The following KIAA2012 variants were observed in gnomAD, a reference collection of about 807,000 sequenced individuals.
KIAA2012 encodes uncharacterized protein KIAA2012.
In KIAA2012, 125 loss-of-function variants were observed where a neutral mutation model predicts 150.6. The observed-to-expected ratio is 0.83, with a 90% CI of 0.72 to 0.96. The LOEUF is 0.96. KIAA2012 is among the 40% of genes least tolerant of loss of function. The pLI, the probability that KIAA2012 is intolerant of heterozygous loss-of-function variation, is 0.00. For missense variants in KIAA2012, 1,219 were observed against 1,354.9 expected, an observed-to-expected ratio of 0.90 and a Z score of 1.57; for synonymous variants, 462 against 504.7, an observed-to-expected ratio of 0.92 and a Z score of 1.13.
At chr2:202,129,280 C>T (rs1181775598) in intron 12 of KIAA2012, among the ~76,000 whole-genome samples, 2 of 149,668 alleles carry the variant, frequency 1.3e-5, no homozygotes, top group Non-Finnish European at 3.0e-5. Context: ...AGTGCAGTGG[C>T]ACAATCTTGG....
chr2:202,185,898 C>T (rs937910258), intron 16 of KIAA2012, among the ~76,000 whole-genome samples: 2 of 152,184 alleles, frequency 1.3e-5, no homozygotes, highest in African/African-American at 4.8e-5. Context: ...CATATATTTA[C>T]AGGAAATTCC....
intron 9 of KIAA2012, 24 bp downstream of exon 9, chr2:202,105,934 T>A: frequency 6.4e-7 from 1 of 1,550,646 alleles, no homozygotes; most frequent in Non-Finnish European, 8.7e-7. Flanking sequence ...CCCTCCAGCA[T>A]CCCTCGGGAA....
chr2:202,163,605 T>C (rs1691700359), intron 14 of KIAA2012, among the ~76,000 whole-genome samples: 1 of 152,178 alleles, frequency 6.6e-6, no homozygotes, highest in Non-Finnish European at 1.5e-5. Context: ...CCCTGAAGGC[T>C]CATGGCTGTG....
chr2:202,103,250 A>C (rs1325537302), intron 8 of KIAA2012, 136 bp downstream of exon 8: 2 of 854,656 alleles, frequency 2.3e-6, no homozygotes, highest in African/African-American at 3.5e-5. Context: ...AGAAGGAAAA[A>C]GGATAAAATC....
chr2:202,160,369 A>G (rs1259086899), intron 14 of KIAA2012, among the ~76,000 whole-genome samples: 2 of 137,634 alleles, frequency 1.5e-5, no homozygotes, highest in East Asian at 2.0e-4. Context: ...GCTAGAGTTC[A>G]GTGGCGTGAT....
chr2:202,204,884 G>A (rs1351284997), intron 23 of KIAA2012, 114 bp from the exon 24 acceptor site: 1 of 152,116 alleles, frequency 6.6e-6, no homozygotes, highest in Admixed American at 6.5e-5. Flanking sequence ...TACTTAATCA[G>A]ATAAGAAAGG....
At chr2:202,120,443 T>G (rs749756978) in intron 11 of KIAA2012, among the ~76,000 whole-genome samples, 4 of 152,186 alleles carry the variant, frequency 2.6e-5, no homozygotes, top group African/African-American at 4.8e-5. Context: ...TATGATTTGC[T>G]CAAAGCCACA....
intron 11 of KIAA2012, among the ~76,000 whole-genome samples, chr2:202,118,940 T>C (rs1690591675): frequency 1.3e-5 from 2 of 152,196 alleles, no homozygotes; most frequent in Non-Finnish European, 2.9e-5. Flanking sequence ...CCCTACCTCA[T>C]ATGTAGCTGA....
In KIAA2012 at chr2:202,193,350, G is replaced by T; in HGVS notation, c.2861G>T (p.Arg954Leu). The change falls in exon 20 of 24, where the codon CGA becomes CTA. Residue 954 changes from arginine to leucine, a missense_variant. Transcript: ENST00000498697. The stretch of plus-strand genomic sequence containing the variant: ...GAGAAGGCTTCCTGGGACAGGCTTC[G>T]AGCAGAAAGAGCCGAGATGAGGTGG... ...EQEKASWDRL[R>L]AERAEMRWLE... 6.5e-7 allele frequency: 1 copy of T among 1,550,116 alleles called. No homozygotes were observed. Among genetic ancestry groups the T allele is most frequent in the Non-Finnish European group, 8.7e-7 (1 of 1,146,808 alleles).
At chr2:202,078,486 G>T (rs1040818229) in intron 2 of KIAA2012, among the ~76,000 whole-genome samples, 4 of 151,904 alleles carry the variant, frequency 2.6e-5, no homozygotes, top group African/African-American at 9.7e-5. Context: ...ATGGGGTCTA[G>T]CTCTGTTGCC....
intron 2 of KIAA2012, among the ~76,000 whole-genome samples, chr2:202,085,563 C>T (rs1689546866): frequency 6.6e-6 from 1 of 152,112 alleles, no homozygotes; most frequent in South Asian, 2.1e-4. Context: ...CAGATTCTTC[C>T]CTAGAGCCTA....
chr2:202,191,740 T>A (rs1297676327), intron 19 of KIAA2012, among the ~76,000 whole-genome samples: 2 of 152,256 alleles, frequency 1.3e-5, no homozygotes, highest in African/African-American at 4.8e-5. Context: ...TACAAAAAAA[T>A]TAAAAAGTAG....
chr2:202,179,592 G>T, intron 15 of KIAA2012: 1 of 666,498 alleles, frequency 1.5e-6, no homozygotes, highest in South Asian at 1.4e-5. Context: ...ACTATCTTGT[G>T]TACCAAGTGC....
intron 12 of KIAA2012, among the ~76,000 whole-genome samples, chr2:202,127,315 G>A (rs1178746838): frequency 6.6e-6 from 1 of 152,168 alleles, no homozygotes; most frequent in Non-Finnish European, 1.5e-5. Context: ...TTAAGATTCT[G>A]AAACTTCAGA....
At chr2:202,146,175 A>C (rs914802775) in intron 13 of KIAA2012, among the ~76,000 whole-genome samples, 3 of 152,178 alleles carry the variant, frequency 2.0e-5, no homozygotes, top group Non-Finnish European at 4.4e-5. Flanking sequence ...AAAGAGGCCT[A>C]GTCATTTGGA....
chr2:202,201,833 AG>A (rs933309751), intron 22 of KIAA2012: 2 of 1,288,192 alleles, frequency 1.6e-6, no homozygotes, highest in African/African-American at 2.9e-5. Context: ...CTGGATTCCC[AG>A]GAGGCTGCAC....
chr2:202,088,209 C>T (rs759784342), intron 2 of KIAA2012, among the ~76,000 whole-genome samples: 30 of 152,082 alleles, frequency 2.0e-4, no homozygotes, highest in Admixed American at 3.9e-4. Context: ...CCACAGATAA[C>T]GAGGGATGAC....
intron 2 of KIAA2012, among the ~76,000 whole-genome samples, chr2:202,080,450 T>A (rs955778694): frequency 1.3e-5 from 2 of 152,090 alleles, no homozygotes; most frequent in Non-Finnish European, 2.9e-5. Context: ...TACCAACACT[T>A]TGGAAGGCTG....
intron 4 of KIAA2012, 21 bp from the exon 5 acceptor site, chr2:202,097,414 A>T: frequency 6.5e-7 from 1 of 1,550,052 alleles, no homozygotes; most frequent in Non-Finnish European, 8.7e-7. Flanking sequence ...TGACAAGCTG[A>T]CCCATTGTTC....
Sources: allele counts gnomAD v4.1 joint callset (sites outside exome capture counted in the v4.1 genomes callset), GRCh38; gene constraint gnomAD v4.1.1; transcripts MANE v1.5; gene names NCBI Gene and HGNC (gene_info 2026-07-23, HGNC 2026-07-21).